Variants in RRBP1 observed in about 807,000 individuals in gnomAD.
RRBP1 encodes the protein ribosome-binding protein 1.
RRBP1 carries 94 observed loss-of-function variants against 165.2 expected under a neutral mutation model. That is an observed-to-expected ratio of 0.57 (90% CI 0.48 to 0.68). The LOEUF (loss-of-function observed/expected upper bound fraction) is 0.68, where lower values mean the gene tolerates loss of function less well. RRBP1 is among the 30% of genes least tolerant of loss of function. The probability of loss-of-function intolerance (pLI) is 0.00; values close to 1 mark genes in which losing one functional copy is unlikely to be tolerated. For missense variants in RRBP1, 1,676 were observed against 1,763.0 expected (o/e 0.95, Z 0.88); for synonymous variants, 680 against 714.5 (o/e 0.95, Z 0.77).
intron 20 of RRBP1, 88 bp from the exon 21 acceptor site, chr20:17,616,927 T>C (rs2035813305): frequency 2.8e-6 from 3 of 1,074,228 alleles, no homozygotes; most frequent in Middle Eastern, 2.0e-4. Flanking sequence ...CGGAGGACCG[T>C]AGCTGCTCTC....
At chr20:17,670,395 G>GA (rs2036953338) in intron 2 of RRBP1, among the ~76,000 whole-genome samples, 1 of 143,734 alleles carries the variant, frequency 7.0e-6, no homozygotes, top group Non-Finnish European at 1.5e-5. Context: ...AGTAGTGTAG[G>GA]ATTCTTTTTT....
In RRBP1 at chr20:17,636,730, C is replaced by T; in HGVS notation, c.2185-1G>A. 6.2e-7 allele frequency: 1 copy of T among 1,612,736 alleles called. No homozygotes were observed. On this transcript the variant is annotated splice_acceptor_variant, in intron 5 of 24. Coordinates refer to ENST00000377813, the MANE Select transcript of RRBP1 (RefSeq NM_001365613.2). LOFTEE classifies it high-confidence loss of function. ...CTTTGGCCTTTTCTGCTGCCATCTC[C>T]TGGGGGGAAAGTAGCAGAGAGAGGG...
chr20:17,671,695 TG>T (rs772599676), intron 2 of RRBP1, among the ~76,000 whole-genome samples: 3 of 152,186 alleles, frequency 2.0e-5, no homozygotes, highest in Non-Finnish European at 4.4e-5. Flanking sequence ...CATTAATCTC[TG>T]CCCCCTGCGC....
intron 12 of RRBP1, 51 bp from the exon 13 acceptor site, chr20:17,624,719 T>A: frequency 7.4e-7 from 1 of 1,344,332 alleles, no homozygotes; most frequent in South Asian, 1.2e-5. Flanking sequence ...CAGCACGGGC[T>A]GCCTAAGCTG....
chr20:17,678,200 C>T (rs977895495), intron 2 of RRBP1, among the ~76,000 whole-genome samples: 1 of 152,232 alleles, frequency 6.6e-6, no homozygotes, highest in Admixed American at 6.5e-5. Flanking sequence ...TAGGAGGCCC[C>T]TGAACTAATT....
rs2035737845 is a variant in RRBP1 at position 17,613,858 on chromosome 20, G to T, written c.*324C>A. 10 of 243,874 alleles carry T rather than the reference G, an allele frequency of 4.1e-5. No homozygotes were observed. Among genetic ancestry groups the T allele is most frequent in the Non-Finnish European group, 6.6e-5 (8 of 121,788 alleles). 15.1% of individuals were successfully genotyped at this position (243,874 alleles called of 1,614,324 possible). ...CCCACTGAAAAAACACTAAACGATTGCACTGACAGACAGACCCCAGAGCGC... is the reference window on the plus strand; with the variant it reads ...CCCACTGAAAAAACACTAAACGATTTCACTGACAGACAGACCCCAGAGCGC... On this transcript the variant is annotated 3_prime_UTR_variant, in exon 25 of 25. Transcript: ENST00000377813.
intron 13 of RRBP1, among the ~76,000 whole-genome samples, chr20:17,622,510 A>G (rs968770558): frequency 1.2e-4 from 18 of 151,924 alleles, no homozygotes; most frequent in African/African-American, 4.1e-4. Context: ...GCCACCCTGG[A>G]GAGGGTGGAT....
chr20:17,614,347 G>A (rs917315360), intron 24 of RRBP1, 127 bp from the exon 25 acceptor site: 6 of 871,660 alleles, frequency 6.9e-6, no homozygotes, highest in Non-Finnish European at 1.1e-5. Context: ...GTCCCTCAGA[G>A]AACAGGAGCC....
rs2035763419 is a variant in RRBP1, at chr20:17,614,822, A to G, written c.4109T>C (p.Leu1370Pro). 6.2e-7 allele frequency: 1 copy of G among 1,613,828 alleles called. No homozygotes were observed. The highest frequency in any genetic ancestry group is 8.5e-7 in the Non-Finnish European group (1 of 1,180,014). The change falls in exon 24 of 25, where the codon CTG becomes CCG. Residue 1370 changes from leucine (L) to proline (P), a missense_variant. This residue lies in a region of RRBP1 where 1,184 missense variants were observed against 1,167.1 expected (regional missense o/e 1.01). Transcript: ENST00000377813. ...CTGGGTCGTCTTCAGAAGCTCCTGC[A>G]GTCTCGTGGCGGCGCGCCCCAGGTC... Reference protein sequence around the residue: ...TSDLGRAATRLQELLKTTQEQ... With the variant: ...TSDLGRAATRPQELLKTTQEQ...
chr20:17,643,236 T>A lies in RRBP1; in HGVS notation c.1913-109A>T. ...TTCTGGTCACAGCCACGAAGAGCTCTCTGACTGCTTGGGGTCAGCAGGCTG... is the reference window on the plus strand; with the variant it reads ...TTCTGGTCACAGCCACGAAGAGCTCACTGACTGCTTGGGGTCAGCAGGCTG... On this transcript the variant is annotated intron_variant, in intron 3 of 24. Transcript: ENST00000377813. This position sits in a 1 kb window ranked among gnomAD's most constrained non-coding sequence, Gnocchi z 4.3. 1 of 1,158,148 alleles carries A rather than the reference T, an allele frequency of 8.6e-7. No individual in the cohort carries two copies. The highest frequency in any genetic ancestry group is 1.2e-6 in the Non-Finnish European group (1 of 824,910). The allele number at this position is 1,158,148 out of a possible 1,614,324, so 71.7% of individuals were successfully genotyped here.
chr20:17,673,761 A>C (rs565667532), intron 2 of RRBP1, among the ~76,000 whole-genome samples: 1 of 152,334 alleles, frequency 6.6e-6, no homozygotes. Context: ...CAGATCTTCC[A>C]ACTTAAGAGG....
chr20:17,660,144 C>T lies in RRBP1; in HGVS notation c.364G>A (p.Ala122Thr), dbSNP rs770590856. ...TCCTGGGGCATGGCTGGAACTGTGGCGACAGGAGCAACGATAATGGGGGGC... is the reference window on the plus strand; with the variant it reads ...TCCTGGGGCATGGCTGGAACTGTGGTGACAGGAGCAACGATAATGGGGGGC... Reference protein sequence around the residue: ...VQPPIIVAPVATVPAMPQEKL... With the variant: ...VQPPIIVAPVTTVPAMPQEKL... The change falls in exon 3 of 25, where the codon GCC becomes ACC. Residue 122 changes from alanine (A) to threonine (T), a missense_variant. Coordinates refer to ENST00000377813, the MANE Select transcript of RRBP1 (RefSeq NM_001365613.2). 1.4e-5 allele frequency: 23 copies of T among 1,613,920 alleles called. No individual in the cohort carries two copies. The Middle Eastern group carries it at 4.9e-4, about 35-fold the overall frequency.
chr20:17,647,839 G>C (rs1451485668), intron 3 of RRBP1, among the ~76,000 whole-genome samples: 1 of 152,204 alleles, frequency 6.6e-6, no homozygotes, highest in Non-Finnish European at 1.5e-5. Flanking sequence ...GGCCTGCACG[G>C]GGTGACTCCA....
At chr20:17,622,426 T>C (rs1485069776) in intron 13 of RRBP1, among the ~76,000 whole-genome samples, 1 of 151,934 alleles carries the variant, frequency 6.6e-6, no homozygotes, top group African/African-American at 2.4e-5. Flanking sequence ...AGGGAAGCAG[T>C]GCGTCTGCTG....
At chr20:17,625,171 C>G (rs559734256) in intron 12 of RRBP1, among the ~76,000 whole-genome samples, 31 of 152,292 alleles carry the variant, frequency 2.0e-4, no homozygotes, top group African/African-American at 6.3e-4. Flanking sequence ...TGCCACCTGC[C>G]GAGCTTCTAC....
chr20:17,666,388 G>T (rs1230289081), intron 2 of RRBP1, among the ~76,000 whole-genome samples: 1 of 151,152 alleles, frequency 6.6e-6, no homozygotes. Context: ...AGATTTTAAT[G>T]ATTTTCTCCA....
rs936335043 is a variant in RRBP1, at chr20:17,643,949, G to A, written c.1913-822C>T. 3.3e-5 allele frequency among the ~76,000 whole-genome samples: 5 copies of A among 152,134 alleles called. No homozygotes were observed. The highest frequency in any genetic ancestry group is 1.2e-4 in the African/African-American group (5 of 41,420). ...AAGAAAGGGTGAACCAAGATGCCAC[G>A]CCTGAGTGCCTGGACTCTTCCACAG... On this transcript the variant is annotated intron_variant, in intron 3 of 24. Coordinates refer to ENST00000377813, the MANE Select transcript of RRBP1 (RefSeq NM_001365613.2). The surrounding 1 kb of genome is among the most constrained non-coding windows in gnomAD (Gnocchi z 4.3).
chr20:17,617,229 G>A (rs139343039), intron 20 of RRBP1, among the ~76,000 whole-genome samples: 9 of 152,302 alleles, frequency 5.9e-5, no homozygotes, highest in East Asian at 3.9e-4. Flanking sequence ...AGCCCTTTCC[G>A]GGGTCTAGAA....
chr20:17,630,997 C>G (rs967555749), intron 8 of RRBP1, among the ~76,000 whole-genome samples: 1 of 152,152 alleles, frequency 6.6e-6, no homozygotes, highest in South Asian at 2.1e-4. Context: ...GTGAAGCCAT[C>G]ACCAAGGAGG....
Sources: allele counts gnomAD v4.1 joint callset (sites outside exome capture counted in the v4.1 genomes callset), GRCh38; gene constraint gnomAD v4.1.1; regional missense constraint gnomAD v4.1.1; non-coding constraint Gnocchi (gnomAD v3.1); transcripts MANE v1.5; gene names NCBI Gene and HGNC (gene_info 2026-07-23, HGNC 2026-07-21).